The following MR1 variants were observed in gnomAD, a reference collection of about 807,000 sequenced individuals.
The protein encoded by MR1 is major histocompatibility complex class I-related protein 1.
A neutral mutation model predicts 37.8 loss-of-function variants in MR1; 44 were observed. The ratio of observed to expected loss-of-function variants is 1.16; its 90% CI spans 0.91 to 1.50. The LOEUF is 1.50. Among genes scored for constraint, MR1 ranks in the 40% most tolerant of loss-of-function variants. The probability of loss-of-function intolerance (pLI) is 0.00; values close to 1 mark genes in which losing one functional copy is unlikely to be tolerated. For missense variants in MR1, 386 were observed against 419.1 expected (o/e 0.92, Z 0.69); for synonymous variants, 153 against 155.8 (o/e 0.98, Z 0.13).
chr1:181,050,687 C>A, intron 3 of MR1: 1 of 264,146 alleles, frequency 3.8e-6, no homozygotes, highest in Non-Finnish European at 7.4e-6. Context: ...CAGAAGGTCT[C>A]TGCTTTACTA....
In MR1 at chr1:181,059,076, T is replaced by C. The variant is rs555164104; in HGVS notation, c.*3811T>C. The C allele has an allele frequency of 5.3e-5, 8 of 152,354 alleles. No individual in the cohort carries two copies. The highest frequency in any genetic ancestry group is 5.2e-4 in the Admixed American group (8 of 15,310). 9.4% of individuals were successfully genotyped at this position (152,354 alleles called of 1,614,324 possible). A position where few individuals can be genotyped will look rare whatever the true frequency, so the allele number is the denominator to read the frequency against. ...CAAGGAGGACAGGGGGCTTTGCCCA[T>C]AGCCATGTGCTGTGGGCAGCAGAGC... is the stretch of plus-strand genomic sequence containing the variant. On this transcript the variant is annotated 3_prime_UTR_variant, in exon 6 of 6. Transcript: ENST00000367580.
intron 1 of MR1, among the ~76,000 whole-genome samples, chr1:181,045,249 A>G (rs1474462124): frequency 6.6e-6 from 1 of 152,176 alleles, no homozygotes; most frequent in Non-Finnish European, 1.5e-5. Context: ...GCAGGAGATA[A>G]CAGGACAAAA....
chr1:181,039,930 A>C (rs549341586), intron 1 of MR1, among the ~76,000 whole-genome samples: 1 of 152,206 alleles, frequency 6.6e-6, no homozygotes, highest in East Asian at 1.9e-4. Context: ...AAAACACTTC[A>C]TCAATTATTT....
At position 181,049,185 on chromosome 1, in the gene MR1, A is replaced by T. The variant is rs757640043; in HGVS notation, c.201A>T (p.Pro67=). 2 of 1,614,102 alleles carry T rather than the reference A, an allele frequency of 1.2e-6. No individual in the cohort carries two copies. The highest frequency in any genetic ancestry group is 2.7e-5 in the African/African-American group (2 of 74,932). ...TYDSVTRQKE[P]RAPWMAENLA... ...ACAGTGTCACTCGGCAGAAGGAGCC[A>T]CGGGCCCCATGGATGGCAGAGAACC... The change falls in exon 2 of 6, where the codon CCA becomes CCT. Residue 67 remains proline (P), a synonymous_variant. Transcript: ENST00000367580.
rs1163258337 is a variant in MR1, at chr1:181,055,236, G to A, written c.997G>A (p.Ala333Thr). ...CCCTTTCCTTTCAGAGCAAAATGGA[G>A]CCATCTACCTTCCAACACCAGATCG... ...WRRRPREQNG[A>T]IYLPTPDR Residue 333 changes from alanine (A) to threonine (T), a missense_variant, in exon 6 of 6, where the codon GCC (alanine) becomes ACC (threonine). Coordinates refer to ENST00000367580, the MANE Select transcript of MR1 (RefSeq NM_001385161.1). The A allele has an allele frequency of 6.2e-7, 1 of 1,613,570 alleles. No homozygotes were observed. Among genetic ancestry groups the A allele is most frequent in the African/African-American group, 1.3e-5 (1 of 74,892 alleles).
intron 2 of MR1, 27 bp downstream of exon 2, chr1:181,049,339 T>TC (rs1266145766): frequency 2.5e-6 from 4 of 1,597,578 alleles, no homozygotes; most frequent in Non-Finnish European, 2.6e-6. Context: ...GACAGACGCT[T>TC]CCCCCATCCC....
intron 1 of MR1, among the ~76,000 whole-genome samples, chr1:181,043,806 G>GGTA (rs1209176766): frequency 1.3e-5 from 2 of 152,026 alleles, no homozygotes; most frequent in African/African-American, 4.8e-5. Flanking sequence ...GCAAGGTAAG[G>GGTA]GTACCCTGGC....
intron 1 of MR1, among the ~76,000 whole-genome samples, chr1:181,039,048 G>T (rs370219745): frequency 2.4e-4 from 37 of 151,844 alleles, no homozygotes; most frequent in African/African-American, 8.5e-4. Context: ...CAGGTGATCC[G>T]CCTGCCTTGG....
chr1:181,042,387 G>A (rs933826746), intron 1 of MR1, among the ~76,000 whole-genome samples: 2 of 151,434 alleles, frequency 1.3e-5, no homozygotes, highest in African/African-American at 2.4e-5. Context: ...TTTTAGTAGA[G>A]ATGGGGTTTC....
Position 181,056,039 on chromosome 1 carries a change from A to G in MR1, c.*774A>G, listed in dbSNP as rs1284588054. On this transcript the variant is annotated 3_prime_UTR_variant, in exon 6 of 6. Coordinates refer to ENST00000367580, the MANE Select transcript of MR1 (RefSeq NM_001385161.1). The stretch of plus-strand genomic sequence containing the variant: ...ATCATCACCTCCAGTGGAACTACAG[A>G]GACCTGGACCCAGCTGCACTATTTT... The G allele has an allele frequency of 6.6e-6, 1 of 152,222 alleles. No individual in the cohort carries two copies. Among genetic ancestry groups the G allele is most frequent in the Admixed American group, 6.5e-5 (1 of 15,272 alleles). The allele number at this position is 152,222 out of a possible 1,614,324, so 9.4% of individuals were successfully genotyped here. A position where few individuals can be genotyped will look rare whatever the true frequency, so the allele number is the denominator to read the frequency against.
At chr1:181,053,791 C>A in intron 5 of MR1, 114 bp downstream of exon 5, 2 of 765,606 alleles carry the variant, frequency 2.6e-6, no homozygotes, top group Non-Finnish European at 4.4e-6. Context: ...GGCTCTCAGG[C>A]TGGGATCACA....
In MR1 at chr1:181,040,471, T is replaced by C. The variant is rs557305894; in HGVS notation, c.67+6397T>C. 1.5e-4 allele frequency among the ~76,000 whole-genome samples: 23 copies of C among 152,308 alleles called. 1 individual carries two copies. In the South Asian group the frequency reaches 4.1e-3, roughly 27 times the overall value. ...CCTCATCTTTTCTGTTGTGAGTTACTGACTGAACATGTGTCAATCAACTTC... is the reference window on the plus strand; with the variant it reads ...CCTCATCTTTTCTGTTGTGAGTTACCGACTGAACATGTGTCAATCAACTTC... On this transcript the variant is annotated intron_variant, in intron 1 of 5. Transcript: ENST00000367580.
chr1:181,053,486 CTGA>C, intron 4 of MR1, 84 bp from the exon 5 acceptor site: 2 of 959,108 alleles, frequency 2.1e-6, no homozygotes, highest in Non-Finnish European at 3.3e-6. Flanking sequence ...GTTGGGTTTC[CTGA>C]TGATCACAGG....
chr1:181,045,629 C>T (rs761442783), intron 1 of MR1, among the ~76,000 whole-genome samples: 6 of 152,174 alleles, frequency 3.9e-5, no homozygotes, highest in Admixed American at 1.3e-4. Flanking sequence ...TAAGGGCCCA[C>T]ACCAGCTTGG....
At chr1:181,044,198 C>A (rs189960140) in intron 1 of MR1, among the ~76,000 whole-genome samples, 276 of 152,246 alleles carry the variant, frequency 1.8e-3, no homozygotes, top group African/African-American at 5.6e-3. Flanking sequence ...CTCCTGACCT[C>A]ATGATCCGCC....
At chr1:181,040,819 C>A (rs897673586) in intron 1 of MR1, among the ~76,000 whole-genome samples, 2 of 150,806 alleles carry the variant, frequency 1.3e-5, no homozygotes, top group Non-Finnish European at 2.9e-5. Flanking sequence ...CACGGTGGCT[C>A]ATGTCTGTAA....
intron 1 of MR1, among the ~76,000 whole-genome samples, chr1:181,046,812 A>C (rs112940968): frequency 9.2e-5 from 14 of 152,122 alleles, no homozygotes; most frequent in East Asian, 3.9e-4. Flanking sequence ...AGCCAGCGAG[A>C]CCACGAGCCC....
Position 181,055,416 on chromosome 1 carries a change from A to G in MR1, c.*151A>G. ...TGAGCATTTATGGCAGCAACAGAGG[A>G]GCCACAAAATGTTCTTTGTTCTTTG... On this transcript the variant is annotated 3_prime_UTR_variant, in exon 6 of 6. Transcript: ENST00000367580. 2 of 673,194 alleles carry G rather than the reference A, an allele frequency of 3.0e-6. No individual in the cohort carries two copies. Among genetic ancestry groups the G allele is most frequent in the Non-Finnish European group, 5.1e-6 (2 of 388,862 alleles). The allele number at this position is 673,194 out of a possible 1,614,324, so 41.7% of individuals were successfully genotyped here.
At chr1:181,036,873 G>A (rs1243531027) in intron 1 of MR1, 2 of 152,192 alleles carry the variant, frequency 1.3e-5, no homozygotes, top group African/African-American at 4.8e-5. Flanking sequence ...ATTTGACTGG[G>A]AGCCATAGAG....
Sources: allele counts gnomAD v4.1 joint callset (sites outside exome capture counted in the v4.1 genomes callset), GRCh38; gene constraint gnomAD v4.1.1; transcripts MANE v1.5; gene names NCBI Gene and HGNC (gene_info 2026-07-23, HGNC 2026-07-21).